Variants in YLPM1 observed in about 807,000 individuals in gnomAD.
YLPM1 encodes YLP motif-containing protein 1.
In YLPM1, 99 loss-of-function variants were observed where a neutral mutation model predicts 230.0. That is an observed-to-expected ratio of 0.43 (90% CI 0.37 to 0.51). YLPM1 has a LOEUF of 0.51. Ranked by LOEUF, YLPM1 falls within the 20% of genes least tolerant of loss-of-function variation. The probability of loss-of-function intolerance (pLI) is 0.00; values close to 1 mark genes in which losing one functional copy is unlikely to be tolerated. For missense variants in YLPM1, 2,592 were observed against 2,707.7 expected (o/e 0.96, Z 0.95); for synonymous variants, 984 against 942.5 (o/e 1.04, Z -0.81).
At chr14:74,809,304 C>G in intron 6 of YLPM1, 76 bp from the exon 7 acceptor site, 3 of 1,487,472 alleles carry the variant, frequency 2.0e-6, no homozygotes, top group Non-Finnish European at 2.7e-6. Flanking sequence ...AAATTGAGAA[C>G]CAGATTTTAA....
In YLPM1 at chr14:74,820,544, A is replaced by G. The variant is rs2091513076; in HGVS notation, c.6031-513A>G. On this transcript the variant is annotated intron_variant, in intron 16 of 20. Transcript: ENST00000325680. ...ATTATAGGCGTGAGCCACTGTGCCC[A>G]GGCCTGACTCTTTACTCTGCCCTTG... 2.0e-5 allele frequency among the ~76,000 whole-genome samples: 3 copies of G among 152,296 alleles called. No homozygotes were observed. The South Asian group carries it at 6.2e-4, about 32-fold the overall frequency.
rs1376871051 is a variant in YLPM1, at chr14:74,835,791, T to C, written c.*53T>C. 1 of 453,700 alleles carries C rather than the reference T, an allele frequency of 2.2e-6. No individual in the cohort carries two copies. Among genetic ancestry groups the C allele is most frequent in the Admixed American group, 2.4e-5 (1 of 41,300 alleles). 28.1% of individuals were successfully genotyped at this position (453,700 alleles called of 1,614,324 possible). A position where few individuals can be genotyped will look rare whatever the true frequency, so the allele number is the denominator to read the frequency against. ...TCTTTCCAGGTGGTTCGCTTTGAGG[T>C]GGTCTGAAGCCAAGGCCTCGCGGAG... On this transcript the variant is annotated 3_prime_UTR_variant, in exon 21 of 21. Transcript: ENST00000325680.
rs985154881 is a variant in YLPM1 at position 74,780,263 on chromosome 14, A to G, written c.1111-142A>G. 2.7e-5 allele frequency: 28 copies of G among 1,026,226 alleles called. No individual in the cohort carries two copies. In the African/African-American group the frequency reaches 4.2e-4, roughly 15 times the overall value. 63.6% of individuals were successfully genotyped at this position (1,026,226 alleles called of 1,614,324 possible). On this transcript the variant is annotated intron_variant, in intron 2 of 20. Coordinates refer to ENST00000325680, the MANE Select transcript of YLPM1 (RefSeq NM_019589.3). ...TCTAAAGATAGAATAGCTGTTCTCAATCCAAAAAGAACTGAAGATACTGTG... is the reference window on the plus strand; with the variant it reads ...TCTAAAGATAGAATAGCTGTTCTCAGTCCAAAAAGAACTGAAGATACTGTG...
intron 16 of YLPM1, among the ~76,000 whole-genome samples, chr14:74,818,642 T>TA (rs1161823958): frequency 6.6e-6 from 1 of 152,206 alleles, no homozygotes; most frequent in Non-Finnish European, 1.5e-5. Context: ...TGATGACAGT[T>TA]ATCAAATGCA....
Position 74,816,645 on chromosome 14 carries a change from A to C in YLPM1, c.5640A>C (p.Glu1880Asp), listed in dbSNP as rs1218285963. 1.2e-6 allele frequency: 2 copies of C among 1,613,684 alleles called. No individual in the cohort carries two copies. The highest frequency in any genetic ancestry group is 2.2e-5 in the South Asian group (2 of 91,000). ...SLDDYFITEV[E>D]KEEKDPDSGK... ...ATGATTACTTCATCACTGAAGTGGAAAAAGAAGAAAAAGATCCAGATTCTG... is the reference window on the plus strand; with the variant it reads ...ATGATTACTTCATCACTGAAGTGGACAAAGAAGAAAAAGATCCAGATTCTG... The change falls in exon 13 of 21, where the codon GAA (glutamate) becomes GAC (aspartate). Residue 1880 changes from glutamate to aspartate, a missense_variant. Coordinates refer to ENST00000325680, the MANE Select transcript of YLPM1 (RefSeq NM_019589.3).
In YLPM1 at chr14:74,764,330, C is replaced by A. The variant is rs767104000; in HGVS notation, c.841C>A (p.Pro281Thr). The part of the protein sequence containing the change: ...NKSTEQQQAA[P>T]EPDPSTMTPQ... Reference sequence around the variant, plus strand: ...GAGTACTGAACAGCAGCAAGCCGCCCCTGAGCCAGATCCCTCTACGATGAC... The same window carrying A: ...GAGTACTGAACAGCAGCAAGCCGCCACTGAGCCAGATCCCTCTACGATGAC... The change falls in exon 1 of 21, where the codon CCT becomes ACT. Residue 281 changes from proline (P) to threonine (T), a missense_variant. By Grantham distance (38) the Pro-to-Thr change is conservative. Transcript: ENST00000325680. The A allele has an allele frequency of 3.1e-6, 5 of 1,612,622 alleles. No homozygotes were observed. The Middle Eastern group carries it at 8.2e-4, about 266-fold the overall frequency.
At chr14:74,777,228 A>G (rs919899401) in intron 1 of YLPM1, among the ~76,000 whole-genome samples, 1 of 152,190 alleles carries the variant, frequency 6.6e-6, no homozygotes, top group African/African-American at 2.4e-5. Context: ...CATAATTTGG[A>G]AGATAAAGCT....
chr14:74,836,103 A>G lies in YLPM1; in HGVS notation c.*365A>G. On this transcript the variant is annotated 3_prime_UTR_variant, in exon 21 of 21. Coordinates refer to ENST00000325680, the MANE Select transcript of YLPM1 (RefSeq NM_019589.3). Reference sequence around the variant, plus strand: ...TGCTTTGTGGCTGTTTCTGTTTTTTACTGTATGTAACTGGTAGCTGATTGT... The same window carrying G: ...TGCTTTGTGGCTGTTTCTGTTTTTTGCTGTATGTAACTGGTAGCTGATTGT... 3.9e-6 allele frequency: 1 copy of G among 259,010 alleles called. No homozygotes were observed. The highest frequency in any genetic ancestry group is 3.8e-5 in the South Asian group (1 of 26,172). The allele number at this position is 259,010 out of a possible 1,614,324, so 16.0% of individuals were successfully genotyped here.
chr14:74,804,843 AATC>A (rs1254511034), intron 6 of YLPM1, among the ~76,000 whole-genome samples: 1 of 152,336 alleles, frequency 6.6e-6, no homozygotes, highest in East Asian at 1.9e-4. Flanking sequence ...TTGCTTAACA[AATC>A]ATAATCATCT....
At chr14:74,797,033 G>A (rs1310842648) in intron 4 of YLPM1, among the ~76,000 whole-genome samples, 2 of 136,086 alleles carry the variant, frequency 1.5e-5, no homozygotes, top group South Asian at 2.4e-4. Flanking sequence ...GTGCAATAGC[G>A]TGATCTCAGC....
At chr14:74,788,049 A>G (rs2091166357) in intron 4 of YLPM1, among the ~76,000 whole-genome samples, 1 of 152,184 alleles carries the variant, frequency 6.6e-6, no homozygotes, top group South Asian at 2.1e-4. Flanking sequence ...GTTAAAGACA[A>G]ACTCTTTTCA....
At chr14:74,768,740 A>C (rs2090940600) in intron 1 of YLPM1, among the ~76,000 whole-genome samples, 1 of 152,198 alleles carries the variant, frequency 6.6e-6, no homozygotes, top group Non-Finnish European at 1.5e-5. Context: ...AACAAGATAG[A>C]CATGGGACCT....
At chr14:74,791,685 C>A (rs1451642953) in intron 4 of YLPM1, among the ~76,000 whole-genome samples, 1 of 152,210 alleles carries the variant, frequency 6.6e-6, no homozygotes, top group African/African-American at 2.4e-5. Context: ...CCATATTTAT[C>A]AAATTCTGTT....
chr14:74,764,483 G>A, intron 1 of YLPM1, 121 bp downstream of exon 1: 2 of 1,301,568 alleles, frequency 1.5e-6, no homozygotes, highest in East Asian at 5.1e-5. Context: ...ACACTCCAAA[G>A]GATTCCGTAA....
Position 74,830,028 on chromosome 14 carries a change from G to A in YLPM1, c.6294+685G>A, listed in dbSNP as rs189147988. On this transcript the variant is annotated intron_variant, in intron 19 of 20. Coordinates refer to ENST00000325680, the MANE Select transcript of YLPM1 (RefSeq NM_019589.3). ...GTATAAATGGAAAAGGTAATAGGAC[G>A]CCAGACCTCCAAAATTTAGTTCAGA... is the stretch of plus-strand genomic sequence containing the variant. Among the ~76,000 whole-genome samples the A allele has an allele frequency of 7.2e-5, 11 of 152,244 alleles. No homozygotes were observed. In the East Asian group the frequency reaches 2.1e-3, roughly 29 times the overall value.
chr14:74,764,996 T>C (rs2090897516), intron 1 of YLPM1, among the ~76,000 whole-genome samples: 1 of 152,212 alleles, frequency 6.6e-6, no homozygotes, highest in African/African-American at 2.4e-5. Flanking sequence ...CCAGACATCC[T>C]TTTCTCATAT....
intron 6 of YLPM1, among the ~76,000 whole-genome samples, chr14:74,807,839 T>C (rs1218400181): frequency 6.6e-6 from 1 of 152,230 alleles, no homozygotes; most frequent in Non-Finnish European, 1.5e-5. Context: ...CACTGAAAAT[T>C]TACTGTTTTT....
At chr14:74,775,629 A>G (rs1594810559) in intron 1 of YLPM1, among the ~76,000 whole-genome samples, 2 of 152,332 alleles carry the variant, frequency 1.3e-5, no homozygotes, top group East Asian at 3.9e-4. Flanking sequence ...CAGATTTTAT[A>G]TTTGATGGAA....
At chr14:74,785,368 T>C (rs1400509696) in intron 4 of YLPM1, among the ~76,000 whole-genome samples, 1 of 152,226 alleles carries the variant, frequency 6.6e-6, no homozygotes, top group East Asian at 1.9e-4. Flanking sequence ...CTACTCACAT[T>C]ATCCACCTTG....
Sources: gnomAD v4.1 joint callset for allele counts (sites outside exome capture counted in the v4.1 genomes callset) on GRCh38, gnomAD v4.1.1 for gene constraint, MANE v1.5 for transcripts, NCBI Gene and HGNC (gene_info 2026-07-23, HGNC 2026-07-21) for gene names.